Variants in CDH18 observed in about 807,000 individuals in gnomAD.
The protein encoded by CDH18 is cadherin 18, also known as cadherin-18.
Under a neutral mutation model 67.9 loss-of-function variants are expected in CDH18, and 31 were observed. The ratio of observed to expected loss-of-function variants is 0.46; its 90% CI spans 0.34 to 0.62. The LOEUF is 0.62. Ranked by LOEUF, CDH18 falls within the 20% of genes least tolerant of loss-of-function variation. CDH18 has a pLI of 0.01. For missense variants in CDH18, 890 were observed against 975.5 expected, an observed-to-expected ratio of 0.91 and a Z score of 1.17; for synonymous variants, 362 against 347.2, an observed-to-expected ratio of 1.04 and a Z score of -0.48.
intron 1 of CDH18, among the ~76,000 whole-genome samples, chr5:20,447,062 T>C (rs1020177562): frequency 3.3e-5 from 5 of 152,206 alleles, no homozygotes; most frequent in African/African-American, 9.6e-5. Flanking sequence ...AAGCTTCCTA[T>C]AACATTTAAC....
chr5:19,795,982 G>A (rs1776812448), intron 3 of CDH18, among the ~76,000 whole-genome samples: 1 of 152,052 alleles, frequency 6.6e-6, no homozygotes, highest in Non-Finnish European at 1.5e-5. Flanking sequence ...TAGTAGAGTG[G>A]AGATGACAGA....
chr5:19,685,253 T>A (rs1321135574), intron 5 of CDH18, among the ~76,000 whole-genome samples: 1 of 152,204 alleles, frequency 6.6e-6, no homozygotes, highest in Non-Finnish European at 1.5e-5. Context: ...GCATGTTAAA[T>A]GCTTTTAAAT....
chr5:20,209,804 C>CTCAATTA (rs1554102939), intron 2 of CDH18, among the ~76,000 whole-genome samples: 144 of 151,382 alleles, frequency 9.5e-4, no homozygotes, highest in African/African-American at 3.3e-3. Context: ...TACTGGGGAG[C>CTCAATTA]CCAATTACCG....
chr5:19,717,771 T>C (rs947776232), intron 5 of CDH18, among the ~76,000 whole-genome samples: 22 of 152,070 alleles, frequency 1.4e-4, no homozygotes, highest in African/African-American at 5.1e-4. Flanking sequence ...TTTCCTTAGA[T>C]AGTAAAATGT....
At chr5:20,502,193 C>A (rs558342909) in intron 1 of CDH18, among the ~76,000 whole-genome samples, 1 of 152,190 alleles carries the variant, frequency 6.6e-6, no homozygotes, top group East Asian at 1.9e-4. Flanking sequence ...TCACATAATT[C>A]TTTTTGAACT....
intron 2 of CDH18, among the ~76,000 whole-genome samples, chr5:20,121,883 G>A (rs1035413381): frequency 1.3e-5 from 2 of 152,016 alleles, no homozygotes; most frequent in Non-Finnish European, 2.9e-5. Context: ...CCACAAAAAC[G>A]AAGGCTCAAA....
At chr5:19,515,107 A>G (rs991428911) in intron 10 of CDH18, among the ~76,000 whole-genome samples, 11 of 151,908 alleles carry the variant, frequency 7.2e-5, no homozygotes, top group Admixed American at 2.6e-4. Context: ...ACAGGGAATC[A>G]TTTCCCCATT....
At chr5:19,673,047 T>G (rs1252319149) in intron 5 of CDH18, among the ~76,000 whole-genome samples, 1 of 152,042 alleles carries the variant, frequency 6.6e-6, no homozygotes, top group Non-Finnish European at 1.5e-5. Flanking sequence ...AAGAAAATAT[T>G]TATTTCATTT....
chr5:20,038,396 A>G (rs938415225), intron 2 of CDH18, among the ~76,000 whole-genome samples: 4 of 152,168 alleles, frequency 2.6e-5, no homozygotes, highest in Non-Finnish European at 5.9e-5. Context: ...AGACACAACA[A>G]ATAAAGAAAA....
At chr5:19,955,994 G>A (rs148976219) in intron 2 of CDH18, among the ~76,000 whole-genome samples, 300 of 152,054 alleles carry the variant, frequency 2.0e-3, no homozygotes, top group African/African-American at 6.6e-3. Flanking sequence ...TTCCCCCAAA[G>A]TATCAAATTA....
chr5:19,614,809 C>T (rs1008836592), intron 5 of CDH18, among the ~76,000 whole-genome samples: 17 of 152,018 alleles, frequency 1.1e-4, no homozygotes, highest in African/African-American at 2.7e-4. Context: ...ATATCCAAAA[C>T]GGACACATAC....
intron 2 of CDH18, among the ~76,000 whole-genome samples, chr5:19,943,617 C>T (rs1383304008): frequency 6.6e-6 from 1 of 151,984 alleles, no homozygotes; most frequent in African/African-American, 2.4e-5. Context: ...TTCATACCAA[C>T]ATGTAAAAAC....
intron 7 of CDH18, among the ~76,000 whole-genome samples, chr5:19,572,109 T>C (rs970057388): frequency 6.6e-6 from 1 of 152,210 alleles, no homozygotes; most frequent in Non-Finnish European, 1.5e-5. Flanking sequence ...TTCAGGAATG[T>C]GTGAGGACTG....
chr5:19,921,214 T>C (rs942812901), intron 2 of CDH18, among the ~76,000 whole-genome samples: 4 of 151,936 alleles, frequency 2.6e-5, no homozygotes, highest in Admixed American at 2.0e-4. Flanking sequence ...TCTGATTATA[T>C]ACATTTCAAA....
At chr5:19,856,452 A>C (rs2149954483) in intron 2 of CDH18, among the ~76,000 whole-genome samples, 1 of 152,310 alleles carries the variant, frequency 6.6e-6, no homozygotes, top group East Asian at 1.9e-4. Context: ...ATGATGGATT[A>C]CACATCTTTC....
rs1741856946 is a variant in CDH18 at position 20,358,946 on chromosome 5, T to TC, written c.-579-103442_-579-103441insG. On this transcript the variant is annotated intron_variant, in intron 1 of 14. Transcript: ENST00000507958. ...CTTTTTTCTTTCTTTTTTTTTTTTT[T>TC]TTTGAGACGGAGTTTCACTCTTGTT... is the stretch of plus-strand genomic sequence containing the variant. Among the ~76,000 whole-genome samples the TC allele has an allele frequency of 2.0e-5, 3 of 150,800 alleles. No homozygotes were observed. The South Asian group carries it at 6.3e-4, about 32-fold the overall frequency.
intron 5 of CDH18, among the ~76,000 whole-genome samples, chr5:19,650,130 T>C (rs1413768427): frequency 1.3e-5 from 2 of 152,068 alleles, no homozygotes; most frequent in Non-Finnish European, 2.9e-5. Flanking sequence ...CAATATGATA[T>C]GTATGATATG....
chr5:20,042,753 AGAGATC>A, intron 2 of CDH18, among the ~76,000 whole-genome samples: 1 of 152,012 alleles, frequency 6.6e-6, no homozygotes, highest in Non-Finnish European at 1.5e-5. Context: ...CATGAGGTCA[AGAGATC>A]GAGACCATCC....
intron 1 of CDH18, among the ~76,000 whole-genome samples, chr5:20,557,865 T>G (rs1373376188): frequency 9.1e-6 from 1 of 109,618 alleles, no homozygotes; most frequent in Admixed American, 9.6e-5. Context: ...CATTTAATGT[T>G]ATAGTTATAT....
Sources: gnomAD v4.1 joint callset for allele counts (sites outside exome capture counted in the v4.1 genomes callset) on GRCh38, gnomAD v4.1.1 for gene constraint, MANE v1.5 for transcripts, NCBI Gene and HGNC (gene_info 2026-07-23, HGNC 2026-07-21) for gene names.